SCGN: variants seen among roughly 807,000 people sequenced by gnomAD.
SCGN encodes the protein secretagogin, EF-hand calcium binding protein.
In SCGN, 30 loss-of-function variants were observed where a neutral mutation model predicts 39.7. That is an observed-to-expected ratio of 0.76 (90% confidence interval 0.57 to 1.03). SCGN has a LOEUF of 1.03. Among genes scored for constraint, SCGN ranks in the 50% least tolerant of loss-of-function variants. The probability of loss-of-function intolerance (pLI) is 0.00; values close to 1 mark genes in which losing one functional copy is unlikely to be tolerated. For missense variants in SCGN, 353 were observed against 349.4 expected (o/e 1.01, Z -0.08); for synonymous variants, 106 against 114.1 (o/e 0.93, Z 0.45).
intron 6 of SCGN, among the ~76,000 whole-genome samples, chr6:25,674,028 G>C (rs1357068183): frequency 6.6e-6 from 1 of 152,120 alleles, no homozygotes; most frequent in African/African-American, 2.4e-5. Context: ...ACCAGATGTT[G>C]GGAGAAATCA....
chr6:25,683,922 G>T (rs111730747), intron 7 of SCGN, among the ~76,000 whole-genome samples: 3,883 of 152,234 alleles, frequency 0.026, 158 homozygotes, highest in African/African-American at 0.08. Flanking sequence ...TCAGTTCCAA[G>T]CACAAATAAT....
intron 7 of SCGN, among the ~76,000 whole-genome samples, chr6:25,686,688 G>A (rs1301612647): frequency 6.6e-6 from 1 of 151,794 alleles, no homozygotes; most frequent in Non-Finnish European, 1.5e-5. Flanking sequence ...AAGCACAAAT[G>A]TTTTTAATTC....
intron 4 of SCGN, among the ~76,000 whole-genome samples, chr6:25,668,509 T>A (rs1006355548): frequency 2.0e-5 from 3 of 152,208 alleles, no homozygotes; most frequent in African/African-American, 7.2e-5. Context: ...ACAGGCAAGA[T>A]TTCTTAGAGG....
At chr6:25,699,858 T>C (rs1370144240) in intron 10 of SCGN, among the ~76,000 whole-genome samples, 2 of 152,238 alleles carry the variant, frequency 1.3e-5, no homozygotes, top group East Asian at 3.9e-4. Flanking sequence ...GGGTGAGCTC[T>C]GAAAGCCCTA....
At chr6:25,661,048 A>G (rs1219258321) in intron 2 of SCGN, among the ~76,000 whole-genome samples, 1 of 152,188 alleles carries the variant, frequency 6.6e-6, no homozygotes, top group Non-Finnish European at 1.5e-5. Flanking sequence ...CAATTACCTT[A>G]TTACTTTGGT....
rs185226660 is a variant in SCGN at position 25,655,067 on chromosome 6, A to G, written c.153+1615A>G. Among the ~76,000 whole-genome samples the G allele has an allele frequency of 2.6e-4, 40 of 152,334 alleles. 1 individual carries two copies. In the East Asian group the frequency reaches 5.6e-3, roughly 21 times the overall value. On this transcript the variant is annotated intron_variant, in intron 2 of 10. Transcript: ENST00000377961. ...AGCCTTGCCCACAGGGCTTCTACTT[A>G]TATCTGTAAATGTAAGGTTCATCGT...
intron 7 of SCGN, among the ~76,000 whole-genome samples, chr6:25,683,617 T>C (rs1759665703): frequency 6.7e-6 from 1 of 149,140 alleles, no homozygotes; most frequent in Non-Finnish European, 1.5e-5. Flanking sequence ...GATAAAATAA[T>C]GCACATTTCA....
chr6:25,664,968 A>T lies in SCGN; in HGVS notation c.272A>T (p.Asp91Val). 1 of 1,613,876 alleles carries T rather than the reference A, an allele frequency of 6.2e-7. No individual in the cohort carries two copies. The highest frequency in any genetic ancestry group is 8.5e-7 in the Non-Finnish European group (1 of 1,179,872). ...CTTGCTGGTATGTTCTTATCTGAGGATGAAAACTTTCTTCTGCTCTTTCGC... is the reference window on the plus strand; with the variant it reads ...CTTGCTGGTATGTTCTTATCTGAGGTTGAAAACTTTCTTCTGCTCTTTCGC... ...KELAGMFLSEDENFLLLFRRE... is the reference protein window; with the variant it reads ...KELAGMFLSEVENFLLLFRRE... The change falls in exon 4 of 11, where the codon GAT becomes GTT. Residue 91 changes from aspartate (D) to valine (V), a missense_variant. Asp to Val is a radical substitution (Grantham distance 152, BLOSUM62 -3). Coordinates refer to ENST00000377961, the MANE Select transcript of SCGN (RefSeq NM_006998.4).
intron 6 of SCGN, among the ~76,000 whole-genome samples, chr6:25,680,885 G>T (rs1759629164): frequency 6.6e-6 from 1 of 152,176 alleles, no homozygotes. Context: ...ACTGGATTTG[G>T]AGACAGAGGA....
intron 6 of SCGN, among the ~76,000 whole-genome samples, chr6:25,675,547 C>T (rs183529763): frequency 5.1e-4 from 77 of 152,364 alleles, no homozygotes; most frequent in Admixed American, 3.2e-3. Flanking sequence ...GTCTTTTGGA[C>T]GTGAGTCGGC....
intron 2 of SCGN, among the ~76,000 whole-genome samples, chr6:25,656,576 A>T (rs140028300): frequency 5.6e-4 from 86 of 152,288 alleles, no homozygotes; most frequent in Admixed American, 1.6e-3. Context: ...TTCTATGTGT[A>T]CATACCCCTC....
At chr6:25,684,603 G>A (rs1201690783) in intron 7 of SCGN, among the ~76,000 whole-genome samples, 1 of 152,086 alleles carries the variant, frequency 6.6e-6, no homozygotes, top group Non-Finnish European at 1.5e-5. Flanking sequence ...AGGCCAGCCT[G>A]GCCAGCATAG....
intron 7 of SCGN, among the ~76,000 whole-genome samples, chr6:25,686,162 A>T (rs1759702799): frequency 6.6e-6 from 1 of 152,170 alleles, no homozygotes. Context: ...TTCACTTTTT[A>T]GAGATTATGA....
chr6:25,699,917 C>T (rs1300745398), intron 10 of SCGN, among the ~76,000 whole-genome samples: 2 of 151,876 alleles, frequency 1.3e-5, no homozygotes, highest in Non-Finnish European at 2.9e-5. Context: ...GCTGTCATCT[C>T]TAGTCAAAAA....
intron 6 of SCGN, among the ~76,000 whole-genome samples, chr6:25,672,666 G>T (rs1251777979): frequency 6.6e-6 from 1 of 152,178 alleles, no homozygotes; most frequent in African/African-American, 2.4e-5. Context: ...TTAGGCCATC[G>T]TGAGGACTTG....
chr6:25,661,850 G>A (rs1292380548), intron 3 of SCGN, among the ~76,000 whole-genome samples: 1 of 152,166 alleles, frequency 6.6e-6, no homozygotes. Context: ...GTAACAAAGA[G>A]TGTGCAATTC....
intron 10 of SCGN, 107 bp downstream of exon 10, chr6:25,691,231 C>A: frequency 1.2e-6 from 1 of 821,538 alleles, no homozygotes. Flanking sequence ...AAGATAAAAT[C>A]TAGGGATGTA....
intron 6 of SCGN, among the ~76,000 whole-genome samples, chr6:25,671,107 T>A (rs1759493499): frequency 6.6e-6 from 1 of 152,044 alleles, no homozygotes. Flanking sequence ...CTGAGAAGAG[T>A]TTGTTAAAAT....
At chr6:25,701,062 T>A (rs761109067) in intron 10 of SCGN, 145 bp from the exon 11 acceptor site, 3 of 751,120 alleles carry the variant, frequency 4.0e-6, no homozygotes, top group Non-Finnish European at 5.8e-6. Flanking sequence ...TTTGGTGGGA[T>A]GAGGCGATAG....
Sources: gnomAD v4.1 joint callset for allele counts (sites outside exome capture counted in the v4.1 genomes callset) on GRCh38, gnomAD v4.1.1 for gene constraint, MANE v1.5 for transcripts, NCBI Gene and HGNC (gene_info 2026-07-23, HGNC 2026-07-21) for gene names.